The following LMTK2 variants were observed in gnomAD, a reference collection of about 807,000 sequenced individuals.
The protein encoded by LMTK2 is lemur tail kinase 2, also known as serine/threonine-protein kinase LMTK2.
Under a neutral mutation model 127.5 loss-of-function variants are expected in LMTK2, and 37 were observed. The observed-to-expected ratio is 0.29, with a 90% CI of 0.22 to 0.38. The LOEUF is 0.38. Ranked by LOEUF, LMTK2 falls within the 10% of genes least tolerant of loss-of-function variation. The pLI, the probability that LMTK2 is intolerant of heterozygous loss-of-function variation, is 1.00. For missense variants in LMTK2, 1,694 were observed against 1,920.3 expected (o/e 0.88, Z 2.20); for synonymous variants, 819 against 810.1 (o/e 1.01, Z -0.19).
At chr7:98,138,017 A>G (rs1157110303) in intron 2 of LMTK2, among the ~76,000 whole-genome samples, 2 of 152,226 alleles carry the variant, frequency 1.3e-5, no homozygotes, top group Non-Finnish European at 2.9e-5. Flanking sequence ...GCAGATTGTA[A>G]AGTCCTGGCC....
rs1797794949 is a variant in LMTK2 at position 98,206,169 on chromosome 7, A to G, written c.*677A>G. The G allele has an allele frequency of 6.6e-6, 1 of 152,274 alleles. No homozygotes were observed. The highest frequency in any genetic ancestry group is 2.4e-5 in the African/African-American group (1 of 41,448). 9.4% of individuals were successfully genotyped at this position (152,274 alleles called of 1,614,324 possible). On this transcript the variant is annotated 3_prime_UTR_variant, in exon 14 of 14. Coordinates refer to ENST00000297293, the MANE Select transcript of LMTK2 (RefSeq NM_014916.4). ...GTCTAGGATTGTTGGGATTGTACAT[A>G]TGGTACTCTTTCATAAATGATAAAT...
chr7:98,127,936 A>C (rs1796467193), intron 1 of LMTK2, among the ~76,000 whole-genome samples: 1 of 152,186 alleles, frequency 6.6e-6, no homozygotes. Flanking sequence ...TAAGATCAGG[A>C]GTTTGAGATT....
intron 5 of LMTK2, among the ~76,000 whole-genome samples, chr7:98,156,035 A>C (rs894023539): frequency 2.6e-5 from 4 of 152,180 alleles, no homozygotes; most frequent in African/African-American, 9.6e-5. Flanking sequence ...AAAAAAACCT[A>C]ATTCAAAAAT....
At chr7:98,164,138 T>G (rs56932675) in intron 6 of LMTK2, among the ~76,000 whole-genome samples, 8,098 of 152,354 alleles carry the variant, frequency 0.053, 637 homozygotes, top group East Asian at 0.36. Flanking sequence ...GAGTGCATTT[T>G]GTAGCTGGCC....
intron 1 of LMTK2, among the ~76,000 whole-genome samples, chr7:98,118,895 G>A (rs1033015825): frequency 2.6e-5 from 4 of 152,042 alleles, no homozygotes; most frequent in African/African-American, 2.4e-5. Context: ...GATCGAGACC[G>A]TCCTGGCTAA....
intron 1 of LMTK2, among the ~76,000 whole-genome samples, chr7:98,112,540 G>A (rs1796217195): frequency 6.6e-6 from 1 of 152,222 alleles, no homozygotes; most frequent in Non-Finnish European, 1.5e-5. Context: ...ATAACTGCAG[G>A]TGGCTGGTGG....
intron 11 of LMTK2, among the ~76,000 whole-genome samples, chr7:98,195,693 C>T (rs142096430): frequency 4.2e-3 from 636 of 152,274 alleles, no homozygotes; most frequent in African/African-American, 0.014. Flanking sequence ...CCCTGCGTGG[C>T]ACCATCCCTC....
At chr7:98,135,891 A>C (rs1796588140) in intron 1 of LMTK2, among the ~76,000 whole-genome samples, 1 of 151,904 alleles carries the variant, frequency 6.6e-6, no homozygotes, top group South Asian at 2.1e-4. Flanking sequence ...AGCCCCTTAA[A>C]GATGTAGAAA....
chr7:98,149,625 A>G (rs1796823091), intron 3 of LMTK2, among the ~76,000 whole-genome samples: 1 of 152,202 alleles, frequency 6.6e-6, no homozygotes, highest in Non-Finnish European at 1.5e-5. Flanking sequence ...CTAACTCAGA[A>G]TGCATCATAA....
At chr7:98,182,724 C>T (rs1271276583) in intron 7 of LMTK2, among the ~76,000 whole-genome samples, 1 of 152,154 alleles carries the variant, frequency 6.6e-6, no homozygotes, top group African/African-American at 2.4e-5. Context: ...GCAGTGATGC[C>T]ACTTATGGGC....
chr7:98,206,371 A>G lies in LMTK2; in HGVS notation c.*879A>G, dbSNP rs1343504654. On this transcript the variant is annotated 3_prime_UTR_variant, in exon 14 of 14. Coordinates refer to ENST00000297293, the MANE Select transcript of LMTK2 (RefSeq NM_014916.4). ...AGAGGTCTTGCAGCCTCTCCTTGTC[A>G]TTCTCCCACCCCACATCCCATTTTT... 1 of 152,192 alleles carries G rather than the reference A, an allele frequency of 6.6e-6. No individual in the cohort carries two copies. The highest frequency in any genetic ancestry group is 2.4e-5 in the African/African-American group (1 of 41,440). The allele number at this position is 152,192 out of a possible 1,614,324, so 9.4% of individuals were successfully genotyped here.
At position 98,192,639 on chromosome 7, in the gene LMTK2, T is replaced by G. The variant is rs548913667; in HGVS notation, c.2174T>G (p.Phe725Cys). ...CAAGAATTGTCAGAAAACTTTTTAT[T>G]TCTTCAAGAGAAAAACTTACTAAAA... is the stretch of plus-strand genomic sequence containing the variant. ...NVQELSENFL[F>C]LQEKNLLKGS... The change falls in exon 11 of 14, where the codon TTT becomes TGT. Residue 725 changes from phenylalanine (F) to cysteine (C), a missense_variant. Around this residue, in one of 8 missense-constraint regions of LMTK2, gnomAD observed 527 missense variants for 539.8 expected, o/e 0.98. Transcript: ENST00000297293. The G allele has an allele frequency of 1.2e-6, 2 of 1,611,974 alleles. No individual in the cohort carries two copies. The highest frequency in any genetic ancestry group is 2.2e-5 in the South Asian group (2 of 90,322).
Position 98,193,703 on chromosome 7 carries a change from G to A in LMTK2, c.3238G>A (p.Asp1080Asn), listed in dbSNP as rs767386758. The change falls in exon 11 of 14, where the codon GAT becomes AAT. Residue 1080 changes from aspartate to asparagine, a missense_variant. Around this residue, in one of 8 missense-constraint regions of LMTK2, gnomAD observed 554 missense variants for 567.7 expected, o/e 0.98. Transcript: ENST00000297293. This position sits in a 1 kb window ranked among gnomAD's most constrained non-coding sequence, Gnocchi z 4.1. The stretch of plus-strand genomic sequence containing the variant: ...GGTCATTGTCATCTCAGATGCCGGC[G>A]ATGGTCACAGAGGCACAGAAGTGAC... Reference protein sequence around the residue: ...NPVIVISDAGDGHRGTEVTPE... With the variant: ...NPVIVISDAGNGHRGTEVTPE... 1.1e-5 allele frequency: 18 copies of A among 1,613,642 alleles called. No individual in the cohort carries two copies. The highest frequency in any genetic ancestry group is 1.4e-5 in the Non-Finnish European group (16 of 1,180,006).
In LMTK2 at chr7:98,191,645, C is replaced by G. The variant is rs1797526144; in HGVS notation, c.1180C>G (p.Pro394Ala). The G allele has an allele frequency of 1.2e-6, 2 of 1,611,738 alleles. No homozygotes were observed. The highest frequency in any genetic ancestry group is 1.3e-5 in the African/African-American group (1 of 74,842). Residue 394 changes from proline to alanine, a missense_variant, in exon 11 of 14, where the codon CCA becomes GCA. Around this residue, in one of 8 missense-constraint regions of LMTK2, gnomAD observed 216 missense variants for 266.8 expected, o/e 0.81. Transcript: ENST00000297293. ...YEVLQFCWLS[P>A]EKRPAAEDVH... is the part of the protein sequence containing the mutation. ...AGTCTTACAGTTCTGTTGGCTGTCA[C>G]CAGAAAAGAGACCCGCGGCTGAAGA...
chr7:98,132,756 C>T (rs1383024720), intron 1 of LMTK2, among the ~76,000 whole-genome samples: 3 of 151,980 alleles, frequency 2.0e-5, no homozygotes, highest in South Asian at 4.2e-4. Flanking sequence ...TATTGATCAT[C>T]ATTTCTTTTT....
In LMTK2 at chr7:98,191,996, G is replaced by C. The variant is rs1395038443; in HGVS notation, c.1531G>C (p.Glu511Gln). Residue 511 changes from glutamate (E) to glutamine (Q), a missense_variant, in exon 11 of 14, where the codon GAG becomes CAG. Glu to Gln is a conservative substitution (Grantham distance 29, BLOSUM62 2). Transcript: ENST00000297293. ...TSIFYPVEVF[E>Q]SSLSDPGPGK... ...CATCTTCTATCCGGTTGAAGTTTTT[G>C]AGAGTTCGCTTTCAGATCCTGGGCC... 1.2e-6 allele frequency: 2 copies of C among 1,612,238 alleles called. No homozygotes were observed. Among genetic ancestry groups the C allele is most frequent in the Non-Finnish European group, 1.7e-6 (2 of 1,178,382 alleles).
chr7:98,126,007 C>T (rs1042148600), intron 1 of LMTK2, among the ~76,000 whole-genome samples: 1 of 152,186 alleles, frequency 6.6e-6, no homozygotes, highest in Non-Finnish European at 1.5e-5. Context: ...CCTAAGATTG[C>T]ATTTCAGTTA....
At chr7:98,203,897 T>C (rs1380417041) in intron 12 of LMTK2, 47 bp from the exon 13 acceptor site, 3 of 1,606,174 alleles carry the variant, frequency 1.9e-6, no homozygotes, top group Non-Finnish European at 2.5e-6. Context: ...CCCCTCTCCC[T>C]CATCACGCAG....
chr7:98,192,181 C>T lies in LMTK2; in HGVS notation c.1716C>T (p.Leu572=). The change falls in exon 11 of 14, where the codon CTC becomes CTT. Residue 572 remains leucine (L), a synonymous_variant. Coordinates refer to ENST00000297293, the MANE Select transcript of LMTK2 (RefSeq NM_014916.4). ...AGCTTGATTACCCACCAGCGCTGCT[C>T]ACAACCGACATGGATAATCCAGAAA... ...NLELDYPPAL[L]TTDMDNPERT... The T allele has an allele frequency of 1.3e-6, 2 of 1,525,252 alleles. No homozygotes were observed. Among genetic ancestry groups the T allele is most frequent in the Non-Finnish European group, 1.8e-6 (2 of 1,139,654 alleles). The allele number at this position is 1,525,252 out of a possible 1,614,324, so 94.5% of individuals were successfully genotyped here. A position where few individuals can be genotyped will look rare whatever the true frequency, so the allele number is the denominator to read the frequency against.
Sources: gnomAD v4.1 joint callset for allele counts (sites outside exome capture counted in the v4.1 genomes callset) on GRCh38, gnomAD v4.1.1 for gene constraint, gnomAD v4.1.1 regional missense constraint, Gnocchi (gnomAD v3.1) non-coding constraint, MANE v1.5 for transcripts, NCBI Gene and HGNC (gene_info 2026-07-23, HGNC 2026-07-21) for gene names.